Variants in SGCD observed in about 807,000 individuals in gnomAD.
SGCD encodes the protein sarcoglycan delta, also known as delta-sarcoglycan.
SGCD carries 18 observed loss-of-function variants against 36.6 expected under a neutral mutation model. The observed-to-expected ratio is 0.49, with a 90% CI of 0.34 to 0.73. The LOEUF (loss-of-function observed/expected upper bound fraction) is 0.73, where lower values mean the gene tolerates loss of function less well. Among genes scored for constraint, SGCD ranks in the 30% least tolerant of loss-of-function variants. The pLI, the probability that SGCD is intolerant of heterozygous loss-of-function variation, is 0.01. For synonymous variants in SGCD, 133 were observed against 130.6 expected (o/e 1.02, Z -0.12); for missense variants, 387 against 346.7 (o/e 1.12, Z -0.92).
chr5:156,252,153 C>G (rs1329169512), intron 3 of SGCD, among the ~76,000 whole-genome samples: 1 of 151,730 alleles, frequency 6.6e-6, no homozygotes, highest in Non-Finnish European at 1.5e-5. Context: ...CATCCACCTC[C>G]GCCTCCCGGG....
At chr5:156,364,981 A>C (rs1444749596) in intron 3 of SGCD, among the ~76,000 whole-genome samples, 1 of 152,242 alleles carries the variant, frequency 6.6e-6, no homozygotes, top group Non-Finnish European at 1.5e-5. Context: ...TTGCAAGGGC[A>C]TACTCAGATA....
intron 1 of SGCD, among the ~76,000 whole-genome samples, chr5:156,014,919 C>A (rs1758934517): frequency 6.6e-6 from 1 of 152,122 alleles, no homozygotes; most frequent in African/African-American, 2.4e-5. Flanking sequence ...AGTCAGAATA[C>A]CATGTAAGCG....
At chr5:156,443,526 G>A (rs1753597131) in intron 3 of SGCD, among the ~76,000 whole-genome samples, 1 of 152,078 alleles carries the variant, frequency 6.6e-6, no homozygotes, top group Admixed American at 6.6e-5. Flanking sequence ...ATTAAAAGCT[G>A]AACTCATGAT....
At chr5:156,581,709 G>C (rs1302080377) in intron 4 of SGCD, among the ~76,000 whole-genome samples, 1 of 152,194 alleles carries the variant, frequency 6.6e-6, no homozygotes, top group African/African-American at 2.4e-5. Flanking sequence ...AGGCTCTGTG[G>C]GTGTGGGACC....
chr5:156,438,659 A>G lies in SGCD; in HGVS notation c.193-69942A>G, dbSNP rs180722795. 5.9e-4 allele frequency among the ~76,000 whole-genome samples: 90 copies of G among 152,244 alleles called. No individual in the cohort carries two copies. The East Asian group carries it at 8.5e-3, about 14-fold the overall frequency. On this transcript the variant is annotated intron_variant, in intron 3 of 8. Transcript: ENST00000337851. ...ATTACAGTGTTTAGCGATTAATCAT[A>G]TTCTACCAACTCTTTTCTTTTCTCC...
In SGCD at chr5:156,344,668, C is replaced by A; in HGVS notation, c.183C>A (p.Asn61Lys). ...AMTIWILKVM[N>K]FTIDGMGNLR... Reference sequence around the variant, plus strand: ...CCATCTGGATTCTCAAAGTCATGAACTTCACAATTGTAAGTAAAACCATCT... The same window carrying A: ...CCATCTGGATTCTCAAAGTCATGAAATTCACAATTGTAAGTAAAACCATCT... The change falls in exon 3 of 9, where the codon AAC becomes AAA. Residue 61 changes from asparagine (N) to lysine (K), a missense_variant. Physicochemically the swap from Asn to Lys is moderately conservative, Grantham distance 94. Transcript: ENST00000337851. 3 of 1,600,032 alleles carry A rather than the reference C, an allele frequency of 1.9e-6. No homozygotes were observed. The highest frequency in any genetic ancestry group is 1.7e-6 in the Non-Finnish European group (2 of 1,173,654).
At chr5:156,130,040 C>G (rs1037678414) in intron 3 of SGCD, among the ~76,000 whole-genome samples, 4 of 152,132 alleles carry the variant, frequency 2.6e-5, no homozygotes, top group Admixed American at 2.6e-4. Context: ...GGTAATTCTG[C>G]TTTTAGCTGT....
chr5:155,833,041 C>G, the SGCD span, among the ~76,000 whole-genome samples: 2 of 109,140 alleles, frequency 1.8e-5, no homozygotes, highest in Admixed American at 1.1e-4. Context: ...AACCCCGTCT[C>G]TACTAAAAAT....
chr5:156,398,347 A>G (rs1284618167), intron 3 of SGCD, among the ~76,000 whole-genome samples: 1 of 152,220 alleles, frequency 6.6e-6, no homozygotes, highest in Non-Finnish European at 1.5e-5. Flanking sequence ...TGAGGAATCT[A>G]TTTAGAATCA....
intron 6 of SGCD, among the ~76,000 whole-genome samples, chr5:156,607,469 T>C (rs1489322507): frequency 6.6e-6 from 1 of 152,226 alleles, no homozygotes; most frequent in Non-Finnish European, 1.5e-5. Context: ...TGAGGATTTT[T>C]GCATCGATGT....
intron 6 of SGCD, among the ~76,000 whole-genome samples, chr5:156,626,962 G>A (rs140287868): frequency 6.8e-4 from 104 of 152,238 alleles, no homozygotes; most frequent in Middle Eastern, 6.8e-3. Context: ...CAGTAACAGA[G>A]GTGTGATCTC....
intron 1 of SGCD, among the ~76,000 whole-genome samples, chr5:155,990,241 T>C (rs1430764707): frequency 6.6e-6 from 1 of 152,154 alleles, no homozygotes; most frequent in African/African-American, 2.4e-5. Context: ...CTAAGCTGTT[T>C]TGTACAAAAA....
chr5:155,980,329 T>C (rs977348850), intron 1 of SGCD, among the ~76,000 whole-genome samples: 15 of 152,134 alleles, frequency 9.9e-5, no homozygotes, highest in Non-Finnish European at 1.6e-4. Context: ...TTCACGCCTA[T>C]AATCCCAGCA....
intron 6 of SGCD, among the ~76,000 whole-genome samples, chr5:156,605,748 G>T (rs1761413620): frequency 6.6e-6 from 1 of 152,172 alleles, no homozygotes; most frequent in African/African-American, 2.4e-5. Flanking sequence ...ATTCTAACTT[G>T]TGTGAGAGGG....
intron 3 of SGCD, among the ~76,000 whole-genome samples, chr5:156,392,202 C>T (rs1771608073): frequency 1.3e-5 from 2 of 152,174 alleles, no homozygotes; most frequent in African/African-American, 4.8e-5. Context: ...ATATCTACCC[C>T]ATCCATACAT....
intron 3 of SGCD, among the ~76,000 whole-genome samples, chr5:156,389,424 G>A (rs1240968521): frequency 6.6e-6 from 1 of 152,142 alleles, no homozygotes; most frequent in Non-Finnish European, 1.5e-5. Flanking sequence ...TTGAAGAACT[G>A]GGACTATCTC....
At chr5:156,480,833 G>T (rs763976662) in intron 3 of SGCD, among the ~76,000 whole-genome samples, 1 of 152,096 alleles carries the variant, frequency 6.6e-6, no homozygotes, top group Non-Finnish European at 1.5e-5. Flanking sequence ...GTGCTCAATG[G>T]GTCTTAAGAT....
intron 1 of SGCD, among the ~76,000 whole-genome samples, chr5:155,967,005 T>C (rs1757915938): frequency 6.6e-6 from 1 of 150,980 alleles, no homozygotes; most frequent in East Asian, 1.9e-4. Context: ...ATGTGTGTAT[T>C]TGTGTGTGTA....
intron 7 of SGCD, among the ~76,000 whole-genome samples, chr5:156,730,943 C>T (rs944127526): frequency 2.0e-5 from 3 of 151,912 alleles, no homozygotes; most frequent in African/African-American, 4.8e-5. Flanking sequence ...ATAGCCATTC[C>T]GACTGGTGTG....
Sources: allele counts gnomAD v4.1 joint callset (sites outside exome capture counted in the v4.1 genomes callset), GRCh38; gene constraint gnomAD v4.1.1; transcripts MANE v1.5; gene names NCBI Gene and HGNC (gene_info 2026-07-23, HGNC 2026-07-21).